PHF21A: variants seen among roughly 807,000 people sequenced by gnomAD.
The protein encoded by PHF21A is PHD finger protein 21A, also known as BHC80a.
PHF21A carries 11 observed loss-of-function variants against 82.5 expected under a neutral mutation model. That is an observed-to-expected ratio of 0.13 (90% CI 0.08 to 0.22). PHF21A has a LOEUF of 0.22. PHF21A is among the 10% of genes least tolerant of loss of function. PHF21A has a pLI of 1.00. For synonymous variants in PHF21A, 297 were observed against 302.8 expected (o/e 0.98, Z 0.20); for missense variants, 579 against 837.8 (o/e 0.69, Z 3.81).
At chr11:46,112,589 C>T (rs577777346) in intron 1 of PHF21A, among the ~76,000 whole-genome samples, 14 of 152,262 alleles carry the variant, frequency 9.2e-5, no homozygotes, top group African/African-American at 3.4e-4. Flanking sequence ...ACTACATTTT[C>T]AAGTATTAAA....
intron 7 of PHF21A, among the ~76,000 whole-genome samples, chr11:45,975,039 C>G (rs2093960219): frequency 6.6e-6 from 1 of 152,068 alleles, no homozygotes; most frequent in Non-Finnish European, 1.5e-5. Context: ...TCAGGCTGGA[C>G]ACAGTGGGTC....
intron 3 of PHF21A, among the ~76,000 whole-genome samples, chr11:46,088,150 T>C: frequency 6.6e-6 from 1 of 152,218 alleles, no homozygotes; most frequent in South Asian, 2.1e-4. Context: ...TGGCTACATT[T>C]GTAAAAGATG....
At chr11:45,941,490 T>A (rs1240003187) in intron 15 of PHF21A, among the ~76,000 whole-genome samples, 5 of 152,182 alleles carry the variant, frequency 3.3e-5, no homozygotes. Flanking sequence ...AGAATGAGAA[T>A]GAAAATGGCA....
At chr11:46,096,898 C>CT (rs1261688668) in intron 1 of PHF21A, among the ~76,000 whole-genome samples, 1 of 152,154 alleles carries the variant, frequency 6.6e-6, no homozygotes, top group Non-Finnish European at 1.5e-5. Context: ...CTGACTACCT[C>CT]TCCCCTAACT....
At chr11:46,006,008 T>C (rs747133270) in intron 6 of PHF21A, among the ~76,000 whole-genome samples, 3 of 152,164 alleles carry the variant, frequency 2.0e-5, no homozygotes, top group Non-Finnish European at 4.4e-5. Flanking sequence ...ATTTTAAACT[T>C]TGAAAATGGG....
At chr11:46,028,660 G>A (rs926161211) in intron 6 of PHF21A, among the ~76,000 whole-genome samples, 8 of 140,324 alleles carry the variant, frequency 5.7e-5, no homozygotes, top group South Asian at 4.7e-4. Flanking sequence ...TGCAACCTCC[G>A]CCTCCCAAGT....
At chr11:46,072,142 T>C (rs565188118) in intron 6 of PHF21A, among the ~76,000 whole-genome samples, 5 of 152,372 alleles carry the variant, frequency 3.3e-5, no homozygotes. Context: ...GATACAGATA[T>C]GCTACTGTAA....
chr11:45,952,080 C>T (rs906428839), intron 11 of PHF21A, among the ~76,000 whole-genome samples: 4 of 152,226 alleles, frequency 2.6e-5, no homozygotes, highest in Non-Finnish European at 5.9e-5. Context: ...GGTGGGATTA[C>T]AGGCGTGAGC....
chr11:45,989,137 C>T (rs1349989613), intron 6 of PHF21A, among the ~76,000 whole-genome samples: 1 of 152,232 alleles, frequency 6.6e-6, no homozygotes, highest in Non-Finnish European at 1.5e-5. Context: ...TTGGCTCTTC[C>T]AAGACATGTG....
chr11:46,106,098 A>G (rs1024881520), intron 1 of PHF21A, among the ~76,000 whole-genome samples: 5 of 152,252 alleles, frequency 3.3e-5, no homozygotes, highest in Admixed American at 2.6e-4. Flanking sequence ...CTCCATTGAC[A>G]TCGTAAAGTT....
chr11:45,987,857 C>T (rs181210071), intron 6 of PHF21A, among the ~76,000 whole-genome samples: 1 of 152,234 alleles, frequency 6.6e-6, no homozygotes, highest in East Asian at 1.9e-4. Context: ...CTGTATCCCA[C>T]AACCTAAAGG....
intron 1 of PHF21A, among the ~76,000 whole-genome samples, chr11:46,094,213 A>C (rs2096962874): frequency 6.6e-6 from 1 of 152,238 alleles, no homozygotes; most frequent in Non-Finnish European, 1.5e-5. Context: ...CATATATCTT[A>C]TCTCCAAGGC....
intron 4 of PHF21A, chr11:46,083,433 C>T (rs2096818276): frequency 6.6e-6 from 1 of 152,182 alleles, no homozygotes; most frequent in African/African-American, 2.4e-5. Flanking sequence ...ACAAAGGAAA[C>T]TATACCTAAG....
chr11:46,050,089 G>GC (rs1359683032), intron 6 of PHF21A, among the ~76,000 whole-genome samples: 1 of 152,208 alleles, frequency 6.6e-6, no homozygotes, highest in Non-Finnish European at 1.5e-5. Context: ...GTTAGCGATT[G>GC]CCACTAGGGA....
intron 1 of PHF21A, chr11:46,117,838 A>C (rs1362210638): frequency 2.6e-5 from 4 of 152,216 alleles, no homozygotes; most frequent in Non-Finnish European, 2.9e-5. Context: ...ACTATCCGCA[A>C]TCGCACATCT....
intron 1 of PHF21A, among the ~76,000 whole-genome samples, chr11:46,098,532 CTCTAT>C (rs1442267748): frequency 6.6e-6 from 1 of 152,190 alleles, no homozygotes; most frequent in Non-Finnish European, 1.5e-5. Context: ...TGCTTCCTCA[CTCTAT>C]AAAGTACAAA....
chr11:46,113,899 A>G (rs766265509), intron 1 of PHF21A, among the ~76,000 whole-genome samples: 2 of 152,140 alleles, frequency 1.3e-5, no homozygotes, highest in African/African-American at 2.4e-5. Flanking sequence ...TATTTTATAA[A>G]TAATTTTTCT....
At chr11:45,969,749 A>G in intron 9 of PHF21A, 66 bp downstream of exon 9, 1 of 1,088,290 alleles carries the variant, frequency 9.2e-7, no homozygotes, top group Middle Eastern at 2.0e-4. Context: ...CAGGCTACTT[A>G]GAAAGAGCCC....
At chr11:46,044,924 G>A (rs1342279682) in intron 6 of PHF21A, among the ~76,000 whole-genome samples, 1 of 152,120 alleles carries the variant, frequency 6.6e-6, no homozygotes, top group Non-Finnish European at 1.5e-5. Context: ...GGAACTGATC[G>A]AAGCTTTCAA....
Sources: allele counts gnomAD v4.1 joint callset (sites outside exome capture counted in the v4.1 genomes callset), GRCh38; gene constraint gnomAD v4.1.1; transcripts MANE v1.5; gene names NCBI Gene and HGNC (gene_info 2026-07-23, HGNC 2026-07-21).